DHRS12: variants seen among roughly 807,000 people sequenced by gnomAD.
DHRS12 encodes dehydrogenase/reductase 12.
A neutral mutation model predicts 32.1 loss-of-function variants in DHRS12; 29 were observed. The observed-to-expected ratio is 0.90, with a 90% CI of 0.67 to 1.23. The LOEUF is 1.23. Ranked by LOEUF, DHRS12 falls within the 50% of genes most tolerant of loss-of-function variation. The probability of loss-of-function intolerance (pLI) is 0.00; values close to 1 mark genes in which losing one functional copy is unlikely to be tolerated. For synonymous variants in DHRS12, 150 were observed against 135.9 expected, an observed-to-expected ratio of 1.10 and a Z score of -0.72; for missense variants, 330 against 337.2, an observed-to-expected ratio of 0.98 and a Z score of 0.17.
chr13:51,755,491 A>C, the DHRS12 span: 1 of 1,594,258 alleles, frequency 6.3e-7, no homozygotes. Context: ...TCAAAATGTA[A>C]TTATATGGAA....
At chr13:51,777,790 C>G (rs1296862674) in intron 4 of DHRS12, among the ~76,000 whole-genome samples, 1 of 152,144 alleles carries the variant, frequency 6.6e-6, no homozygotes, top group Non-Finnish European at 1.5e-5. Flanking sequence ...GAGAGTGATG[C>G]CCTGAAAGGT....
rs7991634 is a variant in DHRS12 at position 51,768,763 on chromosome 13, A to G, written c.697+393T>C. On this transcript the variant is annotated intron_variant, in intron 8 of 8. Transcript: ENST00000444610. The stretch of plus-strand genomic sequence containing the variant: ...AGACGTGAACAGATCACTGCTTCCA[A>G]AAATAGAGAAGCAGAGTCCCTTACA... 2.4e-3 allele frequency: 2,795 copies of G among 1,142,746 alleles called. 46 individuals carry two copies. The African/African-American group carries it at 0.039, about 16-fold the overall frequency. The allele number at this position is 1,142,746 out of a possible 1,614,324, so 70.8% of individuals were successfully genotyped here.
the DHRS12 span, chr13:51,762,953 A>G: frequency 1.3e-5 from 2 of 152,202 alleles, no homozygotes; most frequent in South Asian, 4.1e-4. Flanking sequence ...AAATGGTTTG[A>G]GATTAAGCAT....
downstream of DHRS12, chr13:51,763,186 C>T (rs1448076655): frequency 6.6e-6 from 1 of 152,182 alleles, no homozygotes; most frequent in African/African-American, 2.4e-5. Flanking sequence ...TGTTTTTGAA[C>T]ATTACTTAGT....
At chr13:51,789,974 T>G (rs962764428) in intron 4 of DHRS12, 37 bp downstream of exon 4, 1 of 1,564,068 alleles carries the variant, frequency 6.4e-7, no homozygotes, top group Admixed American at 2.1e-5. Flanking sequence ...CTATGTTTAT[T>G]TTGCTAAAAA....
chr13:51,763,067 T>C (rs931456353), downstream of DHRS12: 11 of 152,166 alleles, frequency 7.2e-5, no homozygotes, highest in Non-Finnish European at 1.5e-5. Context: ...CTGGAAGGGA[T>C]CTTCAGAGAT....
intron 4 of DHRS12, among the ~76,000 whole-genome samples, chr13:51,785,478 A>G (rs1954913410): frequency 6.6e-6 from 1 of 152,146 alleles, no homozygotes; most frequent in Non-Finnish European, 1.5e-5. Context: ...TTAATTGGAT[A>G]TCTGCTGATT....
intron 7 of DHRS12, among the ~76,000 whole-genome samples, chr13:51,769,954 CCA>C (rs1369125512): frequency 1.3e-5 from 2 of 152,182 alleles, no homozygotes; most frequent in African/African-American, 2.4e-5. Flanking sequence ...AGTCCACACC[CCA>C]TTTTCCCACA....
At chr13:51,757,441 T>C in the DHRS12 span, among the ~76,000 whole-genome samples, 1 of 148,146 alleles carries the variant, frequency 6.8e-6, no homozygotes, top group South Asian at 2.2e-4. Flanking sequence ...CCTGCAGATT[T>C]AGCTATAGAA....
At chr13:51,773,440 T>C (rs1954136583) in intron 6 of DHRS12, among the ~76,000 whole-genome samples, 1 of 152,046 alleles carries the variant, frequency 6.6e-6, no homozygotes, top group African/African-American at 2.4e-5. Context: ...TTGGAGCATT[T>C]TGGATTTGGG....
chr13:51,759,673 C>G, the DHRS12 span: 10 of 1,508,412 alleles, frequency 6.6e-6, no homozygotes, highest in Admixed American at 1.8e-4. Context: ...TTGAAGAATT[C>G]AGTTCTAAGG....
rs983203487 is a variant in DHRS12 at position 51,792,485 on chromosome 13, C to T, written c.127-1228G>A. 4.6e-5 allele frequency among the ~76,000 whole-genome samples: 7 copies of T among 152,178 alleles called. No homozygotes were observed. The South Asian group carries it at 6.2e-4, about 14-fold the overall frequency. ...CATGATTTTGGCTCACTGCAACCTC[C>T]GCCTCCCAGGTTCAAGTGATTCTCC... On this transcript the variant is annotated intron_variant, in intron 2 of 8. Coordinates refer to ENST00000444610, the MANE Select transcript of DHRS12 (RefSeq NM_001377533.1).
In DHRS12 at chr13:51,775,831, TGTATTCTCCTACA is replaced by T. The variant is rs1390533515; in HGVS notation, c.363+1216_363+1228del. 395 of 108,738 alleles carry T rather than the reference TGTATTCTCCTACA, an allele frequency of 3.6e-3. 20 individuals carry two copies. Among genetic ancestry groups the T allele is most frequent in the African/African-American group, 0.015 (310 of 21,350 alleles). The allele number at this position is 108,738 out of a possible 1,614,324, so 6.7% of individuals were successfully genotyped here. ...CCTACATGTATTCTCCTACAGTACA[TGTATTCTCCTACA>T]GTATTCTCCTACAGTATTCTCCTAC... On this transcript the variant is annotated intron_variant, in intron 5 of 8. Transcript: ENST00000444610.
At position 51,773,929 on chromosome 13, in the gene DHRS12, C is replaced by A. The variant is rs1187338336; in HGVS notation, c.468+1G>T. 1 of 1,613,806 alleles carries A rather than the reference C, an allele frequency of 6.2e-7. No individual in the cohort carries two copies. Among genetic ancestry groups the A allele is most frequent in the Non-Finnish European group, 8.5e-7 (1 of 1,179,732 alleles). On this transcript the variant is annotated splice_donor_variant, in intron 6 of 8. Coordinates refer to ENST00000444610, the MANE Select transcript of DHRS12 (RefSeq NM_001377533.1). LOFTEE classifies it high-confidence loss of function. ...AGTCTCAGGAAACCCACCTCACTGA[C>A]CTTGTTTTGTGCATAGACCATAGTT...
At chr13:51,789,426 G>A in intron 4 of DHRS12, 1 of 532,232 alleles carries the variant, frequency 1.9e-6, no homozygotes, top group Non-Finnish European at 2.4e-6. Context: ...TTAACTCTTG[G>A]CCTCATTCCA....
At chr13:51,790,734 A>G (rs1955227879) in intron 3 of DHRS12, among the ~76,000 whole-genome samples, 1 of 151,816 alleles carries the variant, frequency 6.6e-6, no homozygotes. Flanking sequence ...GCACACTGGG[A>G]CTCTTTCTAT....
the DHRS12 span, chr13:51,756,292 G>A: frequency 1.9e-6 from 3 of 1,584,354 alleles, no homozygotes; most frequent in South Asian, 1.2e-5. Flanking sequence ...CAGGAGCTGA[G>A]GGAGCCGTGA....
In DHRS12 at chr13:51,782,561, A is replaced by G. The variant is rs761987488; in HGVS notation, c.302-5440T>C. Among the ~76,000 whole-genome samples, 15 of 152,168 alleles carry G rather than the reference A, an allele frequency of 9.9e-5. No homozygotes were observed. The highest frequency in any genetic ancestry group is 1.5e-4 in the Non-Finnish European group (10 of 68,010). The stretch of plus-strand genomic sequence containing the variant: ...AGAGTGGCCAAAGGTCAGGGAGATA[A>G]GCCGACTGGAGTGAGCTGCAGGATG... On this transcript the variant is annotated intron_variant, in intron 4 of 8. Transcript: ENST00000444610. This position sits in a 1 kb window ranked among gnomAD's most constrained non-coding sequence, Gnocchi z 4.2.
chr13:51,770,943 C>T, intron 7 of DHRS12: 1 of 1,290,382 alleles, frequency 7.7e-7, no homozygotes, highest in Non-Finnish European at 9.8e-7. Flanking sequence ...ACCTTGTTTT[C>T]CCTATCTTTA....
Sources: allele counts gnomAD v4.1 joint callset (sites outside exome capture counted in the v4.1 genomes callset), GRCh38; gene constraint gnomAD v4.1.1; non-coding constraint Gnocchi (gnomAD v3.1); transcripts MANE v1.5; gene names NCBI Gene and HGNC (gene_info 2026-07-23, HGNC 2026-07-21).